Variants in COL25A1 observed in about 807,000 individuals in gnomAD.
The protein encoded by COL25A1 is collagen alpha-1(XXV) chain.
Under a neutral mutation model 128.4 loss-of-function variants are expected in COL25A1, and 103 were observed. That is an observed-to-expected ratio of 0.80 (90% CI 0.68 to 0.94). The LOEUF is 0.94. COL25A1 is among the 40% of genes least tolerant of loss of function. The pLI is 0.00. For missense variants in COL25A1, 745 were observed against 840.0 expected, an observed-to-expected ratio of 0.89 and a Z score of 1.40; for synonymous variants, 279 against 277.2, an observed-to-expected ratio of 1.01 and a Z score of -0.06.
intron 26 of COL25A1, among the ~76,000 whole-genome samples, chr4:108,850,185 T>C (rs1276135601): frequency 1.3e-5 from 2 of 152,196 alleles, no homozygotes; most frequent in African/African-American, 2.4e-5. Context: ...TATTCATTTA[T>C]CCTTCACCCC....
intron 3 of COL25A1, among the ~76,000 whole-genome samples, chr4:109,162,796 G>A (rs540345722): frequency 6.6e-6 from 1 of 152,282 alleles, no homozygotes; most frequent in East Asian, 1.9e-4. Flanking sequence ...TGAACATGTG[G>A]GGAACTGGCA....
chr4:108,884,041 A>G, intron 19 of COL25A1, 137 bp downstream of exon 19: 1 of 682,310 alleles, frequency 1.5e-6, no homozygotes. Flanking sequence ...TTAAAAATTT[A>G]GTTAGTTGAG....
At chr4:108,999,801 T>A (rs879703695) in intron 6 of COL25A1, among the ~76,000 whole-genome samples, 2 of 152,052 alleles carry the variant, frequency 1.3e-5, no homozygotes, top group Non-Finnish European at 2.9e-5. Context: ...AAAGGATGAG[T>A]TCATGTCCTT....
At chr4:108,933,190 T>C (rs1234920904) in intron 11 of COL25A1, among the ~76,000 whole-genome samples, 1 of 152,214 alleles carries the variant, frequency 6.6e-6, no homozygotes, top group African/African-American at 2.4e-5. Flanking sequence ...CATGCAGTTT[T>C]GCAAGAGCTA....
At chr4:108,925,905 G>A (rs28636618) in intron 11 of COL25A1, among the ~76,000 whole-genome samples, 3,997 of 152,224 alleles carry the variant, frequency 0.026, 166 homozygotes, top group African/African-American at 0.09. Flanking sequence ...GTATGTGTAT[G>A]TAGGCCTAAG....
intron 31 of COL25A1, among the ~76,000 whole-genome samples, chr4:108,839,211 T>C (rs28675901): frequency 0.16 from 24,923 of 152,124 alleles, 2,465 homozygotes; most frequent in East Asian, 0.35. Flanking sequence ...CAGTCCATGG[T>C]AACACAGAAA....
chr4:108,954,071 A>G (rs1749776277), intron 8 of COL25A1, among the ~76,000 whole-genome samples: 1 of 152,172 alleles, frequency 6.6e-6, no homozygotes, highest in South Asian at 2.1e-4. Context: ...AGAAGAAAGT[A>G]TAATTCCTTT....
chr4:108,840,012 C>T (rs1037522081), intron 31 of COL25A1, among the ~76,000 whole-genome samples: 4 of 151,804 alleles, frequency 2.6e-5, no homozygotes, highest in African/African-American at 4.8e-5. Context: ...GAGGCCGAGG[C>T]GGGCGGATCA....
Position 108,940,626 on chromosome 4 carries a change from C to T in COL25A1, c.585G>A (p.Gly195=), listed in dbSNP as rs572775897. The stretch of plus-strand genomic sequence containing the variant: ...CTGGAGGGCCAGGGGGTCCTGGAGG[C>T]CCTGCCTGTCCTTGGTCACCCTGTG... ...RLIKGDQGQA[G]PPGPPGPPGP... is the part of the protein sequence containing the mutation. Residue 195 remains glycine (G), a synonymous_variant, in exon 10 of 38, where the codon GGG becomes GGA. Coordinates refer to ENST00000399132, the MANE Select transcript of COL25A1 (RefSeq NM_198721.4). The T allele has an allele frequency of 1.2e-6, 2 of 1,600,408 alleles. No individual in the cohort carries two copies. Among genetic ancestry groups the T allele is most frequent in the South Asian group, 2.3e-5 (2 of 88,666 alleles).
At chr4:109,259,111 A>G (rs1289371625) in intron 3 of COL25A1, among the ~76,000 whole-genome samples, 1 of 152,180 alleles carries the variant, frequency 6.6e-6, no homozygotes, top group African/African-American at 2.4e-5. Context: ...ACTGTGAATT[A>G]CACCTCTATG....
At position 108,918,157 on chromosome 4, in the gene COL25A1, T is replaced by C; in HGVS notation, c.780+15A>G. On this transcript the variant is annotated intron_variant, in intron 13 of 37. Coordinates refer to ENST00000399132, the MANE Select transcript of COL25A1 (RefSeq NM_198721.4). ...ACCAAATTATTTTTAAAATACAATA[T>C]TCTATAGAACTCACCTTTTGCCCAT... 1.9e-6 allele frequency: 3 copies of C among 1,545,678 alleles called. No individual in the cohort carries two copies. The highest frequency in any genetic ancestry group is 2.7e-6 in the Non-Finnish European group (3 of 1,131,994).
At chr4:109,013,839 C>CT (rs1561026539) in intron 5 of COL25A1, among the ~76,000 whole-genome samples, 6 of 152,178 alleles carry the variant, frequency 3.9e-5, no homozygotes, top group African/African-American at 1.4e-4. Flanking sequence ...GTAACACTCA[C>CT]CATGAGAATC....
chr4:108,830,316 T>C (rs1408424869), intron 32 of COL25A1, among the ~76,000 whole-genome samples: 1 of 152,224 alleles, frequency 6.6e-6, no homozygotes, highest in African/African-American at 2.4e-5. Flanking sequence ...CTGTCAATCA[T>C]ACACTTGAAA....
rs573914369 is a variant in COL25A1, at chr4:109,095,338, T to C, written c.368-45159A>G. Among the ~76,000 whole-genome samples, 5 of 152,344 alleles carry C rather than the reference T, an allele frequency of 3.3e-5. No individual in the cohort carries two copies. The South Asian group carries it at 8.3e-4, about 25-fold the overall frequency. On this transcript the variant is annotated intron_variant, in intron 3 of 37. Transcript: ENST00000399132. ...TGAGCTTTCTTTAGAACAAAGTAGA[T>C]GATAAATGTAATTCTCTTATCAAAA...
At chr4:108,833,642 G>A (rs1240326175) in intron 31 of COL25A1, among the ~76,000 whole-genome samples, 2 of 152,170 alleles carry the variant, frequency 1.3e-5, no homozygotes, top group Non-Finnish European at 2.9e-5. Flanking sequence ...TCCCATTTCT[G>A]TTCTACTATT....
At chr4:109,246,417 A>T (rs1780271449) in intron 3 of COL25A1, among the ~76,000 whole-genome samples, 1 of 152,194 alleles carries the variant, frequency 6.6e-6, no homozygotes, top group African/African-American at 2.4e-5. Context: ...TGGATAGTCA[A>T]ACAGGGTAAA....
intron 3 of COL25A1, among the ~76,000 whole-genome samples, chr4:109,102,844 G>A (rs1454311150): frequency 6.6e-6 from 1 of 152,070 alleles, no homozygotes. Context: ...GTCAGTTCCT[G>A]GCAGACAGCA....
chr4:108,830,748 G>A (rs1397705749), intron 32 of COL25A1, among the ~76,000 whole-genome samples: 12 of 152,404 alleles, frequency 7.9e-5, no homozygotes, highest in African/African-American at 2.6e-4. Context: ...GCTATCGGAA[G>A]TAGCAGCTGA....
At chr4:109,256,138 C>A (rs1781072783) in intron 3 of COL25A1, among the ~76,000 whole-genome samples, 1 of 141,910 alleles carries the variant, frequency 7.0e-6, no homozygotes, top group African/African-American at 3.0e-5. Flanking sequence ...ACAAATTTAA[C>A]CTAGAGAGAA....
Sources: gnomAD v4.1 joint callset for allele counts (sites outside exome capture counted in the v4.1 genomes callset) on GRCh38, gnomAD v4.1.1 for gene constraint, MANE v1.5 for transcripts, NCBI Gene and HGNC (gene_info 2026-07-23, HGNC 2026-07-21) for gene names.